CPVL: variants seen among roughly 807,000 people sequenced by gnomAD.
CPVL encodes the protein carboxypeptidase vitellogenic like.
Under a neutral mutation model 63.7 loss-of-function variants are expected in CPVL, and 51 were observed. The ratio of observed to expected loss-of-function variants is 0.80; its 90% CI spans 0.64 to 1.01. The LOEUF (loss-of-function observed/expected upper bound fraction) is 1.01. Ranked by LOEUF, CPVL falls within the 50% of genes least tolerant of loss-of-function variation. The pLI, the probability that CPVL is intolerant of heterozygous loss-of-function variation, is 0.00. For synonymous variants in CPVL, 195 were observed against 206.0 expected, an observed-to-expected ratio of 0.95 and a Z score of 0.46; for missense variants, 530 against 573.1, an observed-to-expected ratio of 0.92 and a Z score of 0.77.
intron 9 of CPVL, 65 bp downstream of exon 9, chr7:29,071,708 C>CG: frequency 3.6e-5 from 26 of 714,238 alleles, no homozygotes; most frequent in Non-Finnish European, 5.7e-5. Context: ...TGTTCCTGCT[C>CG]ACCCGCCCTC....
At chr7:29,052,457 A>C (rs1175495019) in intron 11 of CPVL, among the ~76,000 whole-genome samples, 1 of 131,924 alleles carries the variant, frequency 7.6e-6, no homozygotes, top group African/African-American at 2.9e-5. Context: ...AAAAAAAAAA[A>C]CCAAACCAAA....
chr7:29,169,186 T>C (rs1157497487), intron 5 of CPVL, among the ~76,000 whole-genome samples: 1 of 152,228 alleles, frequency 6.6e-6, no homozygotes, highest in South Asian at 2.1e-4. Flanking sequence ...TATTCAGTAC[T>C]GTTTTTGAAA....
intron 7 of CPVL, among the ~76,000 whole-genome samples, chr7:29,075,519 T>TTA (rs145911117): frequency 7.8e-6 from 1 of 128,978 alleles, no homozygotes; most frequent in Non-Finnish European, 1.6e-5. Flanking sequence ...AGATACTTCT[T>TTA]AAAAAAAAAA....
At chr7:29,003,903 A>G (rs1475385687) in intron 12 of CPVL, among the ~76,000 whole-genome samples, 1 of 152,170 alleles carries the variant, frequency 6.6e-6, no homozygotes, top group East Asian at 1.9e-4. Flanking sequence ...CTGATTTGAC[A>G]GGAGGCGGAG....
At chr7:29,094,710 A>G (rs1786216768) in intron 5 of CPVL, among the ~76,000 whole-genome samples, 1 of 152,040 alleles carries the variant, frequency 6.6e-6, no homozygotes, top group Non-Finnish European at 1.5e-5. Context: ...TAAAAATACA[A>G]AAATCAGCCA....
chr7:29,042,918 C>T (rs1189471887), intron 11 of CPVL, among the ~76,000 whole-genome samples: 4 of 152,222 alleles, frequency 2.6e-5, no homozygotes, highest in African/African-American at 9.6e-5. Context: ...GAGCATTCCG[C>T]AAAGTGCAGC....
intron 10 of CPVL, 109 bp downstream of exon 10, chr7:29,065,914 A>G: frequency 1.6e-6 from 1 of 622,400 alleles, no homozygotes; most frequent in Non-Finnish European, 2.8e-6. Context: ...TACAGTTTGG[A>G]CATGTTGGTC....
intron 3 of CPVL, among the ~76,000 whole-genome samples, chr7:29,103,445 G>A (rs1337467914): frequency 2.0e-5 from 3 of 146,632 alleles, no homozygotes; most frequent in African/African-American, 7.7e-5. Context: ...AGTAGAGATG[G>A]GGTTTCACCA....
At chr7:29,035,594 G>T (rs533259178) in intron 11 of CPVL, among the ~76,000 whole-genome samples, 1 of 151,538 alleles carries the variant, frequency 6.6e-6, no homozygotes, top group East Asian at 1.9e-4. Flanking sequence ...TTGCTAAACC[G>T]CTGTGAAATA....
rs779902400 is a variant in CPVL, at chr7:29,092,679, A to G, written c.486T>C (p.Thr162=). The G allele has an allele frequency of 1.2e-6, 2 of 1,613,894 alleles. No homozygotes were observed. The highest frequency in any genetic ancestry group is 3.3e-5 in the Admixed American group (2 of 60,026). ...DNPVGTGFSF[T]DDTHGYAVNE... Reference sequence around the variant, plus strand: ...TGACTGCATATCCGTGGGTATCATCAGTAAAACTGAAGCCTGTGCCCACCT... The same window carrying G: ...TGACTGCATATCCGTGGGTATCATCGGTAAAACTGAAGCCTGTGCCCACCT... Residue 162 remains threonine, a synonymous_variant, in exon 6 of 13, where the codon ACT becomes ACC. Transcript: ENST00000265394.
At chr7:29,102,459 A>C (rs1562770370) in intron 3 of CPVL, among the ~76,000 whole-genome samples, 1 of 152,186 alleles carries the variant, frequency 6.6e-6, no homozygotes, top group African/African-American at 2.4e-5. Flanking sequence ...CTGAGATCTA[A>C]AATATGAGTA....
intron 11 of CPVL, among the ~76,000 whole-genome samples, chr7:29,063,615 G>A (rs1232210494): frequency 6.6e-6 from 1 of 152,074 alleles, no homozygotes; most frequent in African/African-American, 2.4e-5. Context: ...CTGTTGCCCA[G>A]GCTGGAGTGC....
At chr7:29,008,958 T>C (rs1785497804) in intron 12 of CPVL, 1 of 152,100 alleles carries the variant, frequency 6.6e-6, no homozygotes, top group Non-Finnish European at 1.5e-5. Flanking sequence ...CTGTTGATTT[T>C]ATTTACTTGC....
intron 1 of CPVL, among the ~76,000 whole-genome samples, chr7:29,136,899 C>T (rs1182081968): frequency 1.3e-5 from 2 of 152,016 alleles, no homozygotes. Flanking sequence ...TTTCTCTGGC[C>T]CTGCATTCCC....
chr7:29,151,544 T>G (rs1793593799), intron 5 of CPVL, among the ~76,000 whole-genome samples: 1 of 152,176 alleles, frequency 6.6e-6, no homozygotes. Context: ...ATAATCATAG[T>G]GAAACTTTGT....
chr7:29,117,837 T>C (rs1018934119), intron 2 of CPVL, among the ~76,000 whole-genome samples: 2 of 152,226 alleles, frequency 1.3e-5, no homozygotes, highest in African/African-American at 2.4e-5. Context: ...TACATATTTA[T>C]ACATACCTAT....
At chr7:29,117,455 C>G (rs1445685177) in intron 2 of CPVL, among the ~76,000 whole-genome samples, 2 of 152,330 alleles carry the variant, frequency 1.3e-5, no homozygotes, top group Middle Eastern at 3.4e-3. Context: ...TTGGTACGCA[C>G]AGACCTTTCG....
At chr7:29,120,413 C>T (rs1789240593) in intron 2 of CPVL, among the ~76,000 whole-genome samples, 1 of 149,778 alleles carries the variant, frequency 6.7e-6, no homozygotes, top group South Asian at 2.1e-4. Flanking sequence ...CAGAGCAAGA[C>T]TCTGTCTCAA....
chr7:29,028,383 A>G (rs2128150550), intron 12 of CPVL, among the ~76,000 whole-genome samples: 1 of 152,336 alleles, frequency 6.6e-6, no homozygotes, highest in South Asian at 2.1e-4. Context: ...TCAAAATGAT[A>G]AAACCACTAG....
Sources: gnomAD v4.1 joint callset for allele counts (sites outside exome capture counted in the v4.1 genomes callset) on GRCh38, gnomAD v4.1.1 for gene constraint, MANE v1.5 for transcripts, NCBI Gene and HGNC (gene_info 2026-07-23, HGNC 2026-07-21) for gene names.